Variants in SCRN1 observed in about 807,000 individuals in gnomAD.
SCRN1 encodes the protein secernin-1.
A neutral mutation model predicts 43.3 loss-of-function variants in SCRN1; 19 were observed. That is an observed-to-expected ratio of 0.44 (90% CI 0.31 to 0.64). The LOEUF (loss-of-function observed/expected upper bound fraction) is 0.64. Ranked by LOEUF, SCRN1 falls within the 30% of genes least tolerant of loss-of-function variation. The pLI, the probability that SCRN1 is intolerant of heterozygous loss-of-function variation, is 0.09. For synonymous variants in SCRN1, 183 were observed against 188.9 expected (o/e 0.97, Z 0.26); for missense variants, 447 against 524.1 (o/e 0.85, Z 1.44).
intron 3 of SCRN1, 134 bp downstream of exon 3, chr7:29,955,045 A>T: frequency 1.4e-6 from 1 of 723,232 alleles, no homozygotes. Flanking sequence ...TCATCATCTT[A>T]AAGTTTCTAT....
chr7:29,927,543 G>C (rs1465875009), intron 6 of SCRN1, among the ~76,000 whole-genome samples: 1 of 152,164 alleles, frequency 6.6e-6, no homozygotes, highest in Non-Finnish European at 1.5e-5. Flanking sequence ...TGGCAGGCAT[G>C]GGCACCTCTG....
intron 3 of SCRN1, among the ~76,000 whole-genome samples, chr7:29,952,427 C>T (rs549876460): frequency 4.6e-5 from 7 of 152,280 alleles, no homozygotes; most frequent in Non-Finnish European, 5.9e-5. Flanking sequence ...TGGTGGTCCA[C>T]GCCTGTAATC....
At chr7:29,970,528 G>T (rs1012926303) in intron 1 of SCRN1, among the ~76,000 whole-genome samples, 2 of 152,160 alleles carry the variant, frequency 1.3e-5, no homozygotes, top group African/African-American at 2.4e-5. Context: ...TGAAATACTT[G>T]TTTGATTATT....
At chr7:29,946,953 T>C (rs1351941493) in intron 3 of SCRN1, among the ~76,000 whole-genome samples, 1 of 152,180 alleles carries the variant, frequency 6.6e-6, no homozygotes, top group African/African-American at 2.4e-5. Context: ...CAGAGGCCAA[T>C]GTTAAAGCCA....
At chr7:29,955,099 C>T in intron 3 of SCRN1, 80 bp downstream of exon 3, 2 of 1,264,314 alleles carry the variant, frequency 1.6e-6, no homozygotes, top group Non-Finnish European at 1.1e-6. Context: ...TTAAAAAATG[C>T]AAGGTTTAGG....
At chr7:29,978,073 T>C (rs1246330286) in intron 1 of SCRN1, among the ~76,000 whole-genome samples, 2 of 152,216 alleles carry the variant, frequency 1.3e-5, no homozygotes, top group Non-Finnish European at 2.9e-5. Flanking sequence ...TAACAGTCTC[T>C]TTCTCCAATT....
intron 1 of SCRN1, among the ~76,000 whole-genome samples, chr7:29,982,430 A>T (rs1789017121): frequency 6.6e-6 from 1 of 150,898 alleles, no homozygotes; most frequent in South Asian, 2.1e-4. Flanking sequence ...CTGTAATCAC[A>T]GTAGTTTGGG....
intron 6 of SCRN1, among the ~76,000 whole-genome samples, chr7:29,936,248 A>C (rs780222957): frequency 2.6e-5 from 4 of 152,206 alleles, no homozygotes; most frequent in Non-Finnish European, 4.4e-5. Flanking sequence ...CATGATATAT[A>C]CTGAGTAAAT....
At chr7:29,978,491 C>T (rs11773355) in intron 1 of SCRN1, among the ~76,000 whole-genome samples, 1 of 152,142 alleles carries the variant, frequency 6.6e-6, no homozygotes, top group Non-Finnish European at 1.5e-5. Context: ...CTGATACCGC[C>T]TGCCTAGCCC....
intron 2 of SCRN1, among the ~76,000 whole-genome samples, chr7:29,963,213 C>T (rs942742638): frequency 3.3e-5 from 5 of 152,040 alleles, no homozygotes; most frequent in African/African-American, 1.2e-4. Context: ...GCTCAAAGGC[C>T]CAAGACACTA....
At position 29,972,083 on chromosome 7, in the gene SCRN1, G is replaced by C. The variant is rs77254263; in HGVS notation, c.-1-3015C>G. 6.2e-3 allele frequency among the ~76,000 whole-genome samples: 950 copies of C among 152,324 alleles called. 12 individuals are homozygous for C. Among genetic ancestry groups the C allele is most frequent in the African/African-American group, 0.022 (918 of 41,576 alleles). The stretch of plus-strand genomic sequence containing the variant: ...TATCTTCAGACTGGAGGAGTAGAGA[G>C]AGATAAACAAAGAATGTGTATGCAC... On this transcript the variant is annotated intron_variant, in intron 1 of 7. Coordinates refer to ENST00000242059, the MANE Select transcript of SCRN1 (RefSeq NM_014766.5).
In SCRN1 at chr7:29,924,250, C is replaced by A. The variant is rs1786868787; in HGVS notation, c.1087-135G>T. On this transcript the variant is annotated intron_variant, in intron 7 of 7. Transcript: ENST00000242059. ...TCCCCACACTCCGTTTCACACACGA[C>A]TGCCGCAGGGATTGTTCTAGAATGC... 6.3e-6 allele frequency: 5 copies of A among 792,088 alleles called. No homozygotes were observed. In the Admixed American group the frequency reaches 1.5e-4, roughly 24 times the overall value. The allele number at this position is 792,088 out of a possible 1,614,324, so 49.1% of individuals were successfully genotyped here. A position where few individuals can be genotyped will look rare whatever the true frequency, so the allele number is the denominator to read the frequency against.
At chr7:29,953,962 A>C (rs141536920) in intron 3 of SCRN1, among the ~76,000 whole-genome samples, 3 of 152,348 alleles carry the variant, frequency 2.0e-5, no homozygotes, top group Non-Finnish European at 4.4e-5. Flanking sequence ...CTGAAAGCCA[A>C]GAACTCCAGC....
chr7:29,934,476 C>T (rs1057064397), intron 6 of SCRN1, among the ~76,000 whole-genome samples: 11 of 152,190 alleles, frequency 7.2e-5, no homozygotes, highest in African/African-American at 2.4e-4. Flanking sequence ...CCAAATACTT[C>T]GCAGAGCATT....
chr7:29,948,783 A>G (rs1470663875), intron 3 of SCRN1, among the ~76,000 whole-genome samples: 1 of 152,226 alleles, frequency 6.6e-6, no homozygotes, highest in Non-Finnish European at 1.5e-5. Flanking sequence ...GCAGATGGTT[A>G]AATTTTAGGG....
intron 3 of SCRN1, among the ~76,000 whole-genome samples, chr7:29,945,241 G>T (rs1298005817): frequency 6.6e-6 from 1 of 152,134 alleles, no homozygotes; most frequent in Non-Finnish European, 1.5e-5. Context: ...ATATGGTTTG[G>T]CTGTGTCCCC....
At chr7:29,951,770 G>A (rs998433968) in intron 3 of SCRN1, among the ~76,000 whole-genome samples, 4 of 152,182 alleles carry the variant, frequency 2.6e-5, no homozygotes, top group African/African-American at 9.6e-5. Flanking sequence ...ATTCCCACAA[G>A]CCTCTAGGAA....
chr7:29,983,464 AAG>A (rs1011399473), intron 1 of SCRN1, among the ~76,000 whole-genome samples: 7 of 152,118 alleles, frequency 4.6e-5, no homozygotes, highest in African/African-American at 1.2e-4. Flanking sequence ...AAAAAAAAAA[AAG>A]ACTTTATGGT....
chr7:29,948,526 C>A (rs1217040523), intron 3 of SCRN1, among the ~76,000 whole-genome samples: 1 of 152,202 alleles, frequency 6.6e-6, no homozygotes, highest in Non-Finnish European at 1.5e-5. Context: ...TTCACACTGG[C>A]CTTTTGCCAA....
Sources: gnomAD v4.1 joint callset for allele counts (sites outside exome capture counted in the v4.1 genomes callset) on GRCh38, gnomAD v4.1.1 for gene constraint, MANE v1.5 for transcripts, NCBI Gene and HGNC (gene_info 2026-07-23, HGNC 2026-07-21) for gene names.